Variants in SERPINE3 observed in about 807,000 individuals in gnomAD.
The protein encoded by SERPINE3 is serpin E3.
Under a neutral mutation model 41.7 loss-of-function variants are expected in SERPINE3, and 43 were observed. The observed-to-expected ratio is 1.03, with a 90% CI of 0.81 to 1.33. The LOEUF (loss-of-function observed/expected upper bound fraction) is 1.33, where lower values mean the gene tolerates loss of function less well. SERPINE3 is among the 40% of genes most tolerant of loss of function. SERPINE3 has a pLI of 0.00. For missense variants in SERPINE3, 440 were observed against 491.7 expected, an observed-to-expected ratio of 0.89 and a Z score of 0.99; for synonymous variants, 200 against 192.2, an observed-to-expected ratio of 1.04 and a Z score of -0.34.
chr13:51,350,131 C>A (rs1012037741), intron 6 of SERPINE3, among the ~76,000 whole-genome samples: 1 of 152,128 alleles, frequency 6.6e-6, no homozygotes, highest in African/African-American at 2.4e-5. Flanking sequence ...TTTCGTTTAA[C>A]AAGAGCAAAA....
At chr13:51,344,515 C>A (rs1955327497) in intron 4 of SERPINE3, 30 bp downstream of exon 4, 7 of 1,515,130 alleles carry the variant, frequency 4.6e-6, no homozygotes, top group Non-Finnish European at 5.4e-6. Context: ...TTCAACAAGG[C>A]TAAGGCAGAG....
chr13:51,346,253 G>GACCAT (rs1955344488), intron 4 of SERPINE3, among the ~76,000 whole-genome samples: 1 of 152,130 alleles, frequency 6.6e-6, no homozygotes, highest in Non-Finnish European at 1.5e-5. Context: ...GCCCTACAAA[G>GACCAT]ACCATACCTT....
chr13:51,357,672 C>G (rs374183840), intron 7 of SERPINE3, among the ~76,000 whole-genome samples: 2 of 152,006 alleles, frequency 1.3e-5, no homozygotes, highest in Non-Finnish European at 2.9e-5. Flanking sequence ...GTAGTTCCCC[C>G]CCAGTCTCCT....
At chr13:51,357,781 T>C (rs1955503394) in intron 7 of SERPINE3, among the ~76,000 whole-genome samples, 1 of 152,096 alleles carries the variant, frequency 6.6e-6, no homozygotes, top group South Asian at 2.1e-4. Flanking sequence ...CCACTGGCTT[T>C]AGGATCAGCA....
chr13:51,357,551 CT>C (rs1955498915), intron 7 of SERPINE3, among the ~76,000 whole-genome samples: 1 of 152,118 alleles, frequency 6.6e-6, no homozygotes, highest in Non-Finnish European at 1.5e-5. Context: ...TACTCAAATT[CT>C]CTTTCCCCAT....
At chr13:51,350,881 C>T (rs182492325) in intron 6 of SERPINE3, among the ~76,000 whole-genome samples, 2 of 152,206 alleles carry the variant, frequency 1.3e-5, no homozygotes, top group East Asian at 3.9e-4. Context: ...TGAAATTATA[C>T]AATTACATAT....
intron 6 of SERPINE3, among the ~76,000 whole-genome samples, chr13:51,352,640 G>T (rs890012255): frequency 6.6e-6 from 1 of 152,062 alleles, no homozygotes; most frequent in Non-Finnish European, 1.5e-5. Flanking sequence ...GAAGGGGTCA[G>T]AGTGGACATT....
At chr13:51,343,212 A>G (rs1222327671) in intron 3 of SERPINE3, among the ~76,000 whole-genome samples, 1 of 152,188 alleles carries the variant, frequency 6.6e-6, no homozygotes, top group Non-Finnish European at 1.5e-5. Context: ...GTGGAGGAAA[A>G]GATACCCAGC....
intron 3 of SERPINE3, 74 bp from the exon 4 acceptor site, chr13:51,344,178 A>G (rs1001632691): frequency 2.0e-5 from 21 of 1,039,586 alleles, no homozygotes; most frequent in Middle Eastern, 2.0e-4. Context: ...TCTCAATGCA[A>G]TGTGTGCTGG....
intron 7 of SERPINE3, among the ~76,000 whole-genome samples, chr13:51,356,390 A>C (rs1237559654): frequency 6.6e-6 from 1 of 152,194 alleles, no homozygotes; most frequent in Non-Finnish European, 1.5e-5. Flanking sequence ...TGAAGAACTT[A>C]AGAGAATTCT....
intron 6 of SERPINE3, among the ~76,000 whole-genome samples, chr13:51,353,498 C>A (rs1955431801): frequency 6.6e-6 from 1 of 152,248 alleles, no homozygotes; most frequent in African/African-American, 2.4e-5. Context: ...AACTAGTTTG[C>A]AGGTAGTTAC....
At chr13:51,358,936 T>C (rs756245132) in intron 7 of SERPINE3, among the ~76,000 whole-genome samples, 42 of 152,066 alleles carry the variant, frequency 2.8e-4, no homozygotes, top group Non-Finnish European at 4.4e-5. Context: ...GGTGGTTCTA[T>C]GGTTAAACGC....
chr13:51,362,341 T>G (rs568698099), intron 9 of SERPINE3: 2 of 186,996 alleles, frequency 1.1e-5, no homozygotes, highest in Non-Finnish European at 1.1e-5. Context: ...ATTTCTATAC[T>G]GTTCTGTTGA....
chr13:51,347,148 C>T lies in SERPINE3; in HGVS notation c.614C>T (p.Thr205Ile). The change falls in exon 5 of 10, where the codon ACA becomes ATA. Residue 205 changes from threonine to isoleucine, a missense_variant. Coordinates refer to ENST00000681248, the MANE Select transcript of SERPINE3 (RefSeq NM_001386375.1). ...ACTTGGCGAAAGAGATTCTCCTCCA[C>T]AGACACACAGATCCTGCCTTTCACC... The part of the protein sequence containing the change: ...QGTWRKRFSS[T>I]DTQILPFTCA... 6.2e-7 allele frequency: 1 copy of T among 1,613,946 alleles called. No individual in the cohort carries two copies. Among genetic ancestry groups the T allele is most frequent in the Non-Finnish European group, 8.5e-7 (1 of 1,179,866 alleles).
At chr13:51,364,184 A>G in intron 9 of SERPINE3, 55 bp from the exon 10 acceptor site, 3 of 847,566 alleles carry the variant, frequency 3.5e-6, no homozygotes, top group Non-Finnish European at 5.4e-6. Context: ...AACAAAGCTT[A>G]AAGAACTGCA....
intron 5 of SERPINE3, among the ~76,000 whole-genome samples, chr13:51,347,931 C>G (rs1008697259): frequency 5.3e-5 from 8 of 150,538 alleles, no homozygotes; most frequent in Non-Finnish European, 1.0e-4. Flanking sequence ...GGGCACTACT[C>G]TATGTGGTTC....
intron 4 of SERPINE3, 130 bp from the exon 5 acceptor site, chr13:51,346,895 G>T: frequency 1.5e-6 from 1 of 649,636 alleles, no homozygotes; most frequent in East Asian, 2.7e-5. Context: ...GATGAAGAGA[G>T]AGACCACCTT....
intron 6 of SERPINE3, among the ~76,000 whole-genome samples, chr13:51,351,846 C>G (rs1955406209): frequency 6.6e-6 from 1 of 151,942 alleles, no homozygotes; most frequent in South Asian, 2.1e-4. Context: ...CAACTTCATT[C>G]TTTTGTGTGT....
At chr13:51,353,534 T>G (rs545159473) in intron 6 of SERPINE3, among the ~76,000 whole-genome samples, 2 of 152,342 alleles carry the variant, frequency 1.3e-5, no homozygotes, top group East Asian at 3.9e-4. Flanking sequence ...AACTCAGGCA[T>G]TGGATTCCCA....
Sources: allele counts gnomAD v4.1 joint callset (sites outside exome capture counted in the v4.1 genomes callset), GRCh38; gene constraint gnomAD v4.1.1; transcripts MANE v1.5; gene names NCBI Gene and HGNC (gene_info 2026-07-23, HGNC 2026-07-21).